Variants in ZNF208 observed in about 807,000 individuals in gnomAD.
The protein encoded by ZNF208 is zinc finger protein 95.
In ZNF208, 10 loss-of-function variants were observed where a neutral mutation model predicts 12.1. That is an observed-to-expected ratio of 0.83 (90% CI 0.51 to 1.40). ZNF208 has a LOEUF of 1.40. Ranked by LOEUF, ZNF208 falls within the 40% of genes most tolerant of loss-of-function variation. The pLI is 0.00. For synonymous variants in ZNF208, 497 were observed against 488.4 expected, an observed-to-expected ratio of 1.02 and a Z score of -0.23; for missense variants, 1,652 against 1,485.0, an observed-to-expected ratio of 1.11 and a Z score of -1.85.
chr19:21,962,669 C>A (rs775868379), downstream of ZNF208, among the ~76,000 whole-genome samples: 75 of 152,206 alleles, frequency 4.9e-4, no homozygotes, highest in Admixed American at 1.9e-3. Context: ...GTGAGTAGAG[C>A]TGAGAAAAGC....
At chr19:21,954,922 A>G (rs1466209537) in intron 4 of ZNF208, among the ~76,000 whole-genome samples, 1 of 152,044 alleles carries the variant, frequency 6.6e-6, no homozygotes, top group Non-Finnish European at 1.5e-5. Flanking sequence ...GTTTCTTCCT[A>G]CCATCGATGG....
At chr19:21,951,220 C>T (rs1311568522) in intron 4 of ZNF208, among the ~76,000 whole-genome samples, 1 of 152,130 alleles carries the variant, frequency 6.6e-6, no homozygotes, top group Admixed American at 6.6e-5. Context: ...TAACCATGCC[C>T]CTAACTATAC....
At chr19:21,962,112 A>G (rs1471199701), downstream of ZNF208, among the ~76,000 whole-genome samples, 8 of 152,158 alleles carry the variant, frequency 5.3e-5, no homozygotes, top group Non-Finnish European at 1.0e-4. Flanking sequence ...AAATTATAAG[A>G]GTGTTTTTAG....
intron 1 of ZNF208, among the ~76,000 whole-genome samples, chr19:21,993,944 A>G (rs976907358): frequency 6.6e-6 from 1 of 152,272 alleles, no homozygotes; most frequent in Non-Finnish European, 1.5e-5. Flanking sequence ...ATAGGAAGTT[A>G]CAGAGCACTG....
downstream of ZNF208, among the ~76,000 whole-genome samples, chr19:21,963,698 T>A (rs2145531671): frequency 6.6e-6 from 1 of 152,142 alleles, no homozygotes; most frequent in African/African-American, 2.4e-5. Flanking sequence ...ACCCTTTAGT[T>A]TTATACACTT....
chr19:22,010,918 C>A lies in ZNF208; in HGVS notation c.-124G>T, dbSNP rs1443257608. On this transcript the variant is annotated 5_prime_UTR_variant, in exon 1 of 4. Transcript: ENST00000397126. ...CACAGCAGTAAGGACGAGACCTTGA[C>A]CTCCGGCTGCAGCGAGAGACAAAGG... 7.1e-7 allele frequency: 1 copy of A among 1,415,558 alleles called. No individual in the cohort carries two copies. 87.7% of individuals were successfully genotyped at this position (1,415,558 alleles called of 1,614,324 possible). A position where few individuals can be genotyped will look rare whatever the true frequency, so the allele number is the denominator to read the frequency against.
chr19:21,988,479 C>G (rs946284060), intron 2 of ZNF208, among the ~76,000 whole-genome samples: 7 of 152,110 alleles, frequency 4.6e-5, no homozygotes, highest in Non-Finnish European at 1.0e-4. Flanking sequence ...TTGAAGTTAT[C>G]TACTGGAACA....
intron 1 of ZNF208, among the ~76,000 whole-genome samples, chr19:21,999,641 ATT>A: frequency 6.6e-6 from 1 of 152,188 alleles, no homozygotes; most frequent in African/African-American, 2.4e-5. Context: ...CTCTGAACAA[ATT>A]TGTGTCTACT....
chr19:21,945,176 C>T (rs370341407), intron 4 of ZNF208, among the ~76,000 whole-genome samples: 23 of 152,268 alleles, frequency 1.5e-4, no homozygotes, highest in African/African-American at 5.5e-4. Flanking sequence ...CCACTTTCCA[C>T]CTCTTTATAA....
chr19:21,963,322 T>C (rs539827149), downstream of ZNF208, among the ~76,000 whole-genome samples: 55 of 152,232 alleles, frequency 3.6e-4, no homozygotes, highest in South Asian at 0.011. Context: ...CCTGGAATAT[T>C]GAAATTTTTA....
At chr19:21,960,317 T>C (rs57146054) in intron 4 of ZNF208, among the ~76,000 whole-genome samples, 7,044 of 151,958 alleles carry the variant, frequency 0.046, 553 homozygotes, top group African/African-American at 0.16. Flanking sequence ...AAAGAAGGCA[T>C]AGAAATAAAG....
In ZNF208 at chr19:21,968,728, C is replaced by T. The variant is rs1157371642; in HGVS notation, c.*2463G>A. Among the ~76,000 whole-genome samples the T allele has an allele frequency of 2.0e-5, 3 of 151,462 alleles. No individual in the cohort carries two copies. The highest frequency in any genetic ancestry group is 4.4e-5 in the Non-Finnish European group (3 of 67,940). ...ATAACAAGTTAGGGTGAAATCCCACCTTGATTTTTTCGAATGCATTCAGTA... is the reference window on the plus strand; with the variant it reads ...ATAACAAGTTAGGGTGAAATCCCACTTTGATTTTTTCGAATGCATTCAGTA... On this transcript the variant is annotated 3_prime_UTR_variant, in exon 4 of 4. Coordinates refer to ENST00000397126, the MANE Select transcript of ZNF208 (RefSeq NM_007153.3).
chr19:21,957,330 G>A (rs1969992187), intron 4 of ZNF208, among the ~76,000 whole-genome samples: 1 of 152,156 alleles, frequency 6.6e-6, no homozygotes, highest in South Asian at 2.1e-4. Context: ...GAGGCACCAT[G>A]CCCAGCTGAA....
chr19:21,963,895 C>A (rs1258561244), downstream of ZNF208, among the ~76,000 whole-genome samples: 1 of 151,810 alleles, frequency 6.6e-6, no homozygotes, highest in Non-Finnish European at 1.5e-5. Flanking sequence ...TAAAAAATTT[C>A]AAATAGGTTA....
rs1169156974 is a variant in ZNF208, at chr19:21,966,897, T to C, written c.*4294A>G. 2 of 152,180 alleles carry C rather than the reference T, an allele frequency of 1.3e-5. No individual in the cohort carries two copies. Among genetic ancestry groups the C allele is most frequent in the Admixed American group, 6.6e-5 (1 of 15,254 alleles). 9.4% of individuals were successfully genotyped at this position (152,180 alleles called of 1,614,324 possible). On this transcript the variant is annotated 3_prime_UTR_variant, in exon 4 of 4. Transcript: ENST00000397126. ...ATGTTTATTGGCAGCTCTTATGTCT[T>C]CCTTTGAGAAGAAGCTGGCTATTCA...
At chr19:21,964,572 G>T (rs148940810), downstream of ZNF208, among the ~76,000 whole-genome samples, 13 of 151,808 alleles carry the variant, frequency 8.6e-5, no homozygotes, top group South Asian at 2.5e-3. Flanking sequence ...CAGACACTCC[G>T]CATTTAACCA....
intron 3 of ZNF208, among the ~76,000 whole-genome samples, chr19:21,980,572 G>A (rs540482399): frequency 6.6e-6 from 1 of 152,182 alleles, no homozygotes; most frequent in Non-Finnish European, 1.5e-5. Flanking sequence ...ACAAAGCAGT[G>A]TCTAGAAAAT....
chr19:22,004,893 T>C (rs995863991), intron 1 of ZNF208, among the ~76,000 whole-genome samples: 3 of 152,184 alleles, frequency 2.0e-5, no homozygotes, highest in African/African-American at 7.2e-5. Flanking sequence ...AAGCTGCATG[T>C]GTACCCCTGA....
At chr19:21,944,160 G>A (rs1260193173) in intron 4 of ZNF208, among the ~76,000 whole-genome samples, 1 of 152,098 alleles carries the variant, frequency 6.6e-6, no homozygotes, top group Non-Finnish European at 1.5e-5. Flanking sequence ...TCTGCTCCTT[G>A]TTTCCAAACC....
Sources: gnomAD v4.1 joint callset for allele counts (sites outside exome capture counted in the v4.1 genomes callset) on GRCh38, gnomAD v4.1.1 for gene constraint, MANE v1.5 for transcripts, NCBI Gene and HGNC (gene_info 2026-07-23, HGNC 2026-07-21) for gene names.